TRAK1: variants seen among roughly 807,000 people sequenced by gnomAD.
TRAK1 encodes trafficking kinesin protein 1, also known as trafficking kinesin-binding protein 1.
TRAK1 carries 33 observed loss-of-function variants against 92.1 expected under a neutral mutation model. The observed-to-expected ratio is 0.36, with a 90% CI of 0.27 to 0.48. TRAK1 has a LOEUF of 0.48. Among genes scored for constraint, TRAK1 ranks in the 20% least tolerant of loss-of-function variants. The pLI is 0.99. For synonymous variants in TRAK1, 521 were observed against 517.3 expected (o/e 1.01, Z -0.10); for missense variants, 1,123 against 1,257.9 (o/e 0.89, Z 1.62).
intron 14 of TRAK1, chr3:42,218,983 G>A (rs9810409): frequency 0.098 from 96,949 of 985,174 alleles, 8,706 homozygotes; most frequent in African/African-American, 0.45. Flanking sequence ...AGCATCCCCA[G>A]GCCCCTTTTT....
chr3:42,046,884 A>G (rs1702771228), intron 1 of TRAK1, among the ~76,000 whole-genome samples: 2 of 152,070 alleles, frequency 1.3e-5, no homozygotes, highest in South Asian at 2.1e-4. Flanking sequence ...TCTGGATTTC[A>G]TGAGCTTTGG....
intron 1 of TRAK1, among the ~76,000 whole-genome samples, chr3:42,050,223 A>G (rs1702927338): frequency 6.6e-6 from 1 of 152,102 alleles, no homozygotes; most frequent in African/African-American, 2.4e-5. Flanking sequence ...ACTGCTAAGT[A>G]TAGATTTACA....
chr3:42,115,519 AGTAGATG>A (rs1042786390), intron 1 of TRAK1, among the ~76,000 whole-genome samples: 3 of 152,102 alleles, frequency 2.0e-5, no homozygotes, highest in Non-Finnish European at 4.4e-5. Flanking sequence ...TGTATGTGTG[AGTAGATG>A]GTAACTCGGT....
chr3:42,137,423 A>T (rs1314334128), intron 2 of TRAK1, among the ~76,000 whole-genome samples: 2 of 152,238 alleles, frequency 1.3e-5, no homozygotes, highest in African/African-American at 4.8e-5. Flanking sequence ...CTGAGGAGGG[A>T]TGTCTTACCT....
At chr3:42,166,314 A>G (rs1193365328) in intron 2 of TRAK1, among the ~76,000 whole-genome samples, 1 of 152,010 alleles carries the variant, frequency 6.6e-6, no homozygotes, top group African/African-American at 2.4e-5. Context: ...CATACAGACA[A>G]CTCTTAACAG....
intron 15 of TRAK1, 54 bp downstream of exon 15, chr3:42,219,650 C>A: frequency 1.9e-6 from 3 of 1,593,112 alleles, no homozygotes; most frequent in Non-Finnish European, 2.6e-6. Flanking sequence ...CAGGGCACTC[C>A]CTTCCCTGCA....
At chr3:42,146,679 C>T (rs1699368156) in intron 2 of TRAK1, among the ~76,000 whole-genome samples, 1 of 152,198 alleles carries the variant, frequency 6.6e-6, no homozygotes, top group Admixed American at 6.5e-5. Flanking sequence ...TTCAGCCTCC[C>T]AAGTAGCTGG....
intron 4 of TRAK1, among the ~76,000 whole-genome samples, 158 bp from the exon 5 acceptor site, chr3:42,187,887 C>T (rs1705126000): frequency 6.6e-6 from 1 of 152,138 alleles, no homozygotes; most frequent in African/African-American, 2.4e-5. Flanking sequence ...ATGAAAGCCT[C>T]TTTTTTTGAA....
intron 3 of TRAK1, 138 bp downstream of exon 3, chr3:42,177,028 T>C (rs1247649369): frequency 1.3e-6 from 1 of 743,938 alleles, no homozygotes; most frequent in African/African-American, 1.7e-5. Context: ...TTTAATGGCT[T>C]TACTTTTTGA....
chr3:42,129,001 A>G (rs1283135304), intron 2 of TRAK1, among the ~76,000 whole-genome samples: 1 of 152,226 alleles, frequency 6.6e-6, no homozygotes, highest in African/African-American at 2.4e-5. Flanking sequence ...CGTTGTTAAT[A>G]TCCCAGAGTT....
chr3:42,208,133 T>C (rs1406335879), intron 13 of TRAK1, among the ~76,000 whole-genome samples: 2 of 152,212 alleles, frequency 1.3e-5, no homozygotes. Context: ...GGATATGTGA[T>C]ACCCTCTTTC....
chr3:42,090,270 T>C (rs1470184140), upstream of TRAK1, among the ~76,000 whole-genome samples: 2 of 152,224 alleles, frequency 1.3e-5, no homozygotes, highest in Non-Finnish European at 2.9e-5. Context: ...AACACATGAA[T>C]TGATCCTTGG....
chr3:42,146,029 T>A, intron 2 of TRAK1: 1 of 403,662 alleles, frequency 2.5e-6, no homozygotes, highest in Non-Finnish European at 4.8e-6. Context: ...TTAAATACTT[T>A]GGCTTCAGGA....
intron 1 of TRAK1, among the ~76,000 whole-genome samples, chr3:42,054,501 C>T (rs1703115520): frequency 6.6e-6 from 1 of 152,130 alleles, no homozygotes. Flanking sequence ...GGTCACCTCA[C>T]CAGCAAATCA....
intron 1 of TRAK1, among the ~76,000 whole-genome samples, chr3:42,077,183 C>T (rs968650689): frequency 1.1e-4 from 16 of 152,244 alleles, no homozygotes; most frequent in African/African-American, 3.9e-4. Context: ...TGAAGAATAT[C>T]CTTGGGAGTT....
At chr3:42,051,406 C>T (rs1368900612) in intron 1 of TRAK1, 2 of 152,214 alleles carry the variant, frequency 1.3e-5, no homozygotes, top group African/African-American at 4.8e-5. Flanking sequence ...TTTTCTATGG[C>T]GTTTCCTTTG....
At chr3:42,186,229 G>T (rs370861436) in intron 4 of TRAK1, among the ~76,000 whole-genome samples, 3 of 151,994 alleles carry the variant, frequency 2.0e-5, no homozygotes, top group African/African-American at 7.2e-5. Context: ...CAATCCACCC[G>T]CCTTGGTCTC....
chr3:42,088,312 C>T (rs1704790189), upstream of TRAK1, among the ~76,000 whole-genome samples: 1 of 152,170 alleles, frequency 6.6e-6, no homozygotes, highest in African/African-American at 2.4e-5. Flanking sequence ...GGGTCCCAGC[C>T]TGGTGCCTAG....
At chr3:42,161,943 TC>T (rs1156730627) in intron 2 of TRAK1, among the ~76,000 whole-genome samples, 18 of 152,232 alleles carry the variant, frequency 1.2e-4, no homozygotes, top group African/African-American at 4.3e-4. Flanking sequence ...TGGATTAGCT[TC>T]CTGCCCCTTT....
Sources: gnomAD v4.1 joint callset for allele counts (sites outside exome capture counted in the v4.1 genomes callset) on GRCh38, gnomAD v4.1.1 for gene constraint, MANE v1.5 for transcripts, NCBI Gene and HGNC (gene_info 2026-07-23, HGNC 2026-07-21) for gene names.